RBMS3: variants seen among roughly 807,000 people sequenced by gnomAD.
RBMS3 encodes RNA binding motif single stranded interacting protein 3.
RBMS3 carries 27 observed loss-of-function variants against 66.8 expected under a neutral mutation model. The observed-to-expected ratio is 0.40, with a 90% CI of 0.30 to 0.56. The LOEUF is 0.56. RBMS3 is among the 20% of genes least tolerant of loss of function. The pLI, the probability that RBMS3 is intolerant of heterozygous loss-of-function variation, is 0.40. For synonymous variants in RBMS3, 188 were observed against 183.0 expected, an observed-to-expected ratio of 1.03 and a Z score of -0.22; for missense variants, 513 against 549.5, an observed-to-expected ratio of 0.93 and a Z score of 0.66.
intron 1 of RBMS3, among the ~76,000 whole-genome samples, chr3:29,306,207 G>T (rs930614440): frequency 1.3e-5 from 2 of 151,904 alleles, no homozygotes; most frequent in Non-Finnish European, 2.9e-5. Context: ...TCTCCCATTG[G>T]ATATGGTTTT....
At chr3:29,284,509 A>C (rs2032106173) in intron 1 of RBMS3, among the ~76,000 whole-genome samples, 1 of 152,184 alleles carries the variant, frequency 6.6e-6, no homozygotes, top group Admixed American at 6.5e-5. Flanking sequence ...AAACAAAATG[A>C]AAATGAGATT....
At chr3:29,975,388 G>T (rs1327881642) in intron 12 of RBMS3, among the ~76,000 whole-genome samples, 2 of 151,620 alleles carry the variant, frequency 1.3e-5, no homozygotes, top group Non-Finnish European at 2.9e-5. Flanking sequence ...GTATATAGGA[G>T]TTCCTATTGT....
At chr3:29,522,443 C>A (rs2044896953) in intron 3 of RBMS3, among the ~76,000 whole-genome samples, 1 of 152,154 alleles carries the variant, frequency 6.6e-6, no homozygotes, top group South Asian at 2.1e-4. Context: ...ATCGGCCCGC[C>A]TTTGCCTCCC....
intron 6 of RBMS3, chr3:29,767,109 A>G: frequency 6.6e-6 from 1 of 151,944 alleles, no homozygotes; most frequent in African/African-American, 2.4e-5. Flanking sequence ...ATCTCTGGCA[A>G]AAGCAAAGGG....
intron 6 of RBMS3, among the ~76,000 whole-genome samples, chr3:29,802,473 G>A (rs1232687066): frequency 6.6e-6 from 1 of 152,110 alleles, no homozygotes; most frequent in Non-Finnish European, 1.5e-5. Context: ...TTTTGATAGT[G>A]GTGTTTTAAA....
chr3:29,871,640 C>T (rs2059494129), intron 7 of RBMS3, among the ~76,000 whole-genome samples: 1 of 152,054 alleles, frequency 6.6e-6, no homozygotes, highest in Admixed American at 6.6e-5. Context: ...TTAGATTATG[C>T]TGCTGTGGAA....
chr3:29,828,784 C>A (rs2058275519), intron 6 of RBMS3, among the ~76,000 whole-genome samples: 1 of 151,426 alleles, frequency 6.6e-6, no homozygotes, highest in Non-Finnish European at 1.5e-5. Context: ...TTTTTTTTTC[C>A]ACTGTGTGTG....
chr3:29,326,733 C>CTT (rs56162153), intron 1 of RBMS3, among the ~76,000 whole-genome samples: 8 of 133,792 alleles, frequency 6.0e-5, no homozygotes, highest in South Asian at 2.4e-4. Context: ...TACTGGCATC[C>CTT]TTTTTTTTTT....
rs565021057 is a variant in RBMS3, at chr3:30,003,986, T to G, written c.*124T>G. ...CATTTTTTTGTTGTTGTTGTTGTTT[T>G]TTTTTTAGTGTTATACCTTACCCAA... On this transcript the variant is annotated 3_prime_UTR_variant, in exon 15 of 15. Coordinates refer to ENST00000383767, the MANE Select transcript of RBMS3 (RefSeq NM_001003793.3). 7 of 836,716 alleles carry G rather than the reference T, an allele frequency of 8.4e-6. No homozygotes were observed. In the Admixed American group the frequency reaches 2.3e-4, roughly 27 times the overall value. The allele number at this position is 836,716 out of a possible 1,614,324, so 51.8% of individuals were successfully genotyped here.
rs138741914 is a variant in RBMS3, at chr3:29,621,431, A to C, written c.399+34226A>C. Among the ~76,000 whole-genome samples, 660 of 152,294 alleles carry C rather than the reference A, an allele frequency of 4.3e-3. 2 individuals are homozygous for C. The highest frequency in any genetic ancestry group is 7.4e-3 in the Admixed American group (113 of 15,298). On this transcript the variant is annotated intron_variant, in intron 4 of 14. Transcript: ENST00000383767. Reference sequence around the variant, plus strand: ...GATTTGTGTGCAAGATAGGGCTGGAACAAGGGACTCCTGACTATCAGGGAC... The same window carrying C: ...GATTTGTGTGCAAGATAGGGCTGGACCAAGGGACTCCTGACTATCAGGGAC...
chr3:29,888,976 C>T (rs1451428571), intron 8 of RBMS3, among the ~76,000 whole-genome samples: 2 of 151,650 alleles, frequency 1.3e-5, no homozygotes, highest in African/African-American at 4.8e-5. Context: ...ACAATTTTCA[C>T]ATTAATTTTT....
At chr3:29,393,643 C>T (rs1297840730) in intron 1 of RBMS3, among the ~76,000 whole-genome samples, 1 of 151,628 alleles carries the variant, frequency 6.6e-6, no homozygotes, top group Non-Finnish European at 1.5e-5. Flanking sequence ...TCGGGGGAAA[C>T]AGCCCCCAGT....
intron 4 of RBMS3, among the ~76,000 whole-genome samples, chr3:29,695,004 G>A (rs2052202567): frequency 6.6e-6 from 1 of 152,140 alleles, no homozygotes; most frequent in African/African-American, 2.4e-5. Context: ...ATAGGCTGGT[G>A]AGAGTCTCTC....
intron 4 of RBMS3, among the ~76,000 whole-genome samples, chr3:29,590,086 A>T (rs1407661670): frequency 1.4e-5 from 2 of 138,828 alleles, no homozygotes; most frequent in East Asian, 2.0e-4. Flanking sequence ...AAAGGAGTTT[A>T]TTTATTTTTT....
chr3:29,577,297 C>T (rs1030115659), intron 3 of RBMS3, among the ~76,000 whole-genome samples: 11 of 152,242 alleles, frequency 7.2e-5, no homozygotes, highest in Non-Finnish European at 1.5e-4. Context: ...CTCCTCTTTA[C>T]TCTTTGCTGT....
chr3:29,477,997 G>A (rs559527807), intron 2 of RBMS3, among the ~76,000 whole-genome samples: 2 of 152,188 alleles, frequency 1.3e-5, no homozygotes, highest in African/African-American at 4.8e-5. Context: ...TGAAACTCCT[G>A]AGCTCATGCC....
At chr3:29,812,521 A>G (rs1429339526) in intron 6 of RBMS3, among the ~76,000 whole-genome samples, 5 of 152,210 alleles carry the variant, frequency 3.3e-5, no homozygotes. Flanking sequence ...CCCAAAATCT[A>G]GAGGGTCAGG....
chr3:29,876,878 T>A (rs778684360), intron 7 of RBMS3, among the ~76,000 whole-genome samples: 11 of 151,472 alleles, frequency 7.3e-5, no homozygotes, highest in Non-Finnish European at 1.0e-4. Flanking sequence ...CACTTGATCA[T>A]GAGATTTCTA....
chr3:29,740,011 C>CT (rs1165149347), intron 5 of RBMS3, 134 bp downstream of exon 5: 1 of 677,882 alleles, frequency 1.5e-6, no homozygotes, highest in Non-Finnish European at 2.2e-6. Context: ...CTTATCAAAT[C>CT]TGTCATCCCT....
Sources: allele counts gnomAD v4.1 joint callset (sites outside exome capture counted in the v4.1 genomes callset), GRCh38; gene constraint gnomAD v4.1.1; transcripts MANE v1.5; gene names NCBI Gene and HGNC (gene_info 2026-07-23, HGNC 2026-07-21).